Variants in RFX8 observed in about 807,000 individuals in gnomAD.
RFX8 encodes the protein DNA-binding protein RFX8.
In RFX8, 46 loss-of-function variants were observed where a neutral mutation model predicts 54.6. The ratio of observed to expected loss-of-function variants is 0.84; its 90% CI spans 0.67 to 1.08. RFX8 has a LOEUF of 1.08. RFX8 is among the 50% of genes least tolerant of loss of function. RFX8 has a pLI of 0.00. For missense variants in RFX8, 536 were observed against 562.3 expected (o/e 0.95, Z 0.47); for synonymous variants, 192 against 209.5 (o/e 0.92, Z 0.72).
At chr2:101,432,325 T>C (rs1687531212) in intron 2 of RFX8, among the ~76,000 whole-genome samples, 1 of 152,210 alleles carries the variant, frequency 6.6e-6, no homozygotes, top group African/African-American at 2.4e-5. Flanking sequence ...GCAGAGTTGC[T>C]GGAGACCAGC....
chr2:101,402,870 A>G, intron 10 of RFX8, 118 bp from the exon 11 acceptor site: 2 of 920,450 alleles, frequency 2.2e-6, no homozygotes, highest in Non-Finnish European at 3.2e-6. Flanking sequence ...TCGTTCCAAT[A>G]GCTTACCCAG....
intron 3 of RFX8, among the ~76,000 whole-genome samples, chr2:101,422,018 T>C (rs1309650726): frequency 6.6e-6 from 1 of 152,266 alleles, no homozygotes; most frequent in Non-Finnish European, 1.5e-5. Context: ...AGATTTATTC[T>C]ACCACTACAA....
In RFX8 at chr2:101,468,623, G is replaced by A. The variant is rs536415003; in HGVS notation, c.-52-1723C>T. Among the ~76,000 whole-genome samples the A allele has an allele frequency of 2.2e-4, 34 of 151,924 alleles. No homozygotes were observed. In the East Asian group the frequency reaches 3.5e-3, roughly 16 times the overall value. ...TGTGAATTTTCTTATCAACATACCA[G>A]TGACTGGATTTAGAGCCCATCCTAA... On this transcript the variant is annotated intron_variant, in intron 1 of 11. Transcript: ENST00000428343.
chr2:101,406,690 C>T (rs955495282), intron 9 of RFX8, among the ~76,000 whole-genome samples: 1 of 152,140 alleles, frequency 6.6e-6, no homozygotes, highest in East Asian at 1.9e-4. Flanking sequence ...GACACAGAAA[C>T]ACCGTAGGGA....
chr2:101,409,521 C>T (rs1415406681), intron 9 of RFX8, among the ~76,000 whole-genome samples: 6 of 150,676 alleles, frequency 4.0e-5, no homozygotes, highest in East Asian at 4.0e-4. Flanking sequence ...CCACCATGCC[C>T]GGCCAGACGG....
intron 2 of RFX8, among the ~76,000 whole-genome samples, chr2:101,440,764 C>T (rs12712100): frequency 0.76 from 115,077 of 152,022 alleles, 44,516 homozygotes; most frequent in Middle Eastern, 0.88. Context: ...AGATCCCTAG[C>T]GCAGTGGTGA....
intron 2 of RFX8, among the ~76,000 whole-genome samples, chr2:101,466,126 G>A (rs753270754): frequency 6.6e-6 from 1 of 152,106 alleles, no homozygotes; most frequent in Non-Finnish European, 1.5e-5. Flanking sequence ...TGTGGGGAGG[G>A]TAATGGTTTG....
intron 2 of RFX8, among the ~76,000 whole-genome samples, chr2:101,428,355 C>T (rs183696015): frequency 6.6e-6 from 1 of 152,204 alleles, no homozygotes; most frequent in Non-Finnish European, 1.5e-5. Flanking sequence ...GAGATTAGTG[C>T]TTGCTCCCTC....
At chr2:101,403,747 AT>A (rs1330453097) in intron 10 of RFX8, among the ~76,000 whole-genome samples, 1 of 152,234 alleles carries the variant, frequency 6.6e-6, no homozygotes, top group African/African-American at 2.4e-5. Flanking sequence ...AGATCGCACC[AT>A]TGCATTCCAG....
At chr2:101,435,407 A>G (rs1010174940) in intron 2 of RFX8, among the ~76,000 whole-genome samples, 1 of 152,200 alleles carries the variant, frequency 6.6e-6, no homozygotes, top group African/African-American at 2.4e-5. Context: ...CAGACTTTAC[A>G]TGACATAGAA....
chr2:101,442,248 T>C (rs552784491), intron 2 of RFX8, among the ~76,000 whole-genome samples: 2 of 152,336 alleles, frequency 1.3e-5, no homozygotes, highest in East Asian at 3.9e-4. Context: ...AGGCCTGATT[T>C]TTGTTTCATC....
At chr2:101,441,747 C>T (rs1320672775) in intron 2 of RFX8, among the ~76,000 whole-genome samples, 1 of 152,184 alleles carries the variant, frequency 6.6e-6, no homozygotes, top group East Asian at 1.9e-4. Flanking sequence ...TTGCATGTTA[C>T]ATCTTTTCCA....
In RFX8 at chr2:101,417,676, C is replaced by T; in HGVS notation, c.360G>A (p.Glu120=). Reference sequence around the variant, plus strand: ...CCAAGAAGTCATGAAGGAGAACATCCTCAATTCCCTACAACAAAAGTAACA... The same window carrying T: ...CCAAGAAGTCATGAAGGAGAACATCTTCAATTCCCTACAACAAAAGTAACA... ...CYDVQLYKGI[E]DVLLHDFLED... The change falls in exon 6 of 12, where the codon GAG becomes GAA. Residue 120 remains glutamate, a synonymous_variant. Coordinates refer to ENST00000428343, the MANE Select transcript of RFX8 (RefSeq NM_001145664.2). 1 of 1,547,198 alleles carries T rather than the reference C, an allele frequency of 6.5e-7. No individual in the cohort carries two copies. Among genetic ancestry groups the T allele is most frequent in the Non-Finnish European group, 8.7e-7 (1 of 1,145,116 alleles).
intron 4 of RFX8, chr2:101,421,245 C>T (rs966821271): frequency 2.0e-6 from 2 of 985,402 alleles, no homozygotes; most frequent in Non-Finnish European, 2.4e-6. Flanking sequence ...AGATGAAACT[C>T]AGAATAGCTG....
At chr2:101,429,326 C>T (rs1009112701) in intron 2 of RFX8, among the ~76,000 whole-genome samples, 7 of 152,066 alleles carry the variant, frequency 4.6e-5, no homozygotes, top group Non-Finnish European at 8.8e-5. Context: ...AACGTGAATT[C>T]TTATTACTTT....
At chr2:101,452,566 A>C in intron 2 of RFX8, 1 of 412,248 alleles carries the variant, frequency 2.4e-6, no homozygotes. Flanking sequence ...GCAAACAATA[A>C]AGAAAATAAA....
chr2:101,430,286 T>C (rs1687413507), intron 2 of RFX8, among the ~76,000 whole-genome samples: 1 of 152,206 alleles, frequency 6.6e-6, no homozygotes. Flanking sequence ...TGGAGTGTCT[T>C]AGGAATTCCA....
intron 8 of RFX8, 48 bp downstream of exon 8, chr2:101,412,867 A>C: frequency 6.6e-7 from 1 of 1,520,230 alleles, no homozygotes; most frequent in Non-Finnish European, 8.8e-7. Context: ...GCTAGCCCCA[A>C]ATCTATGCCC....
chr2:101,408,690 T>C (rs1685905851), intron 9 of RFX8, among the ~76,000 whole-genome samples: 2 of 152,158 alleles, frequency 1.3e-5, no homozygotes, highest in South Asian at 2.1e-4. Flanking sequence ...ATAAAAACCA[T>C]ACAGAATCTG....
Sources: allele counts gnomAD v4.1 joint callset (sites outside exome capture counted in the v4.1 genomes callset), GRCh38; gene constraint gnomAD v4.1.1; transcripts MANE v1.5; gene names NCBI Gene and HGNC (gene_info 2026-07-23, HGNC 2026-07-21).